The following CTNNA2 variants were observed in gnomAD, a reference collection of about 807,000 sequenced individuals.
CTNNA2 encodes catenin alpha 2.
Under a neutral mutation model 101.0 loss-of-function variants are expected in CTNNA2, and 42 were observed. The ratio of observed to expected loss-of-function variants is 0.42; its 90% CI spans 0.32 to 0.54. CTNNA2 has a LOEUF of 0.54. Among genes scored for constraint, CTNNA2 ranks in the 20% least tolerant of loss-of-function variants. The pLI is 0.14. For synonymous variants in CTNNA2, 450 were observed against 456.4 expected (o/e 0.99, Z 0.18); for missense variants, 871 against 1,223.1 (o/e 0.71, Z 4.29).
chr2:80,298,451 A>G (rs1470737558), intron 7 of CTNNA2: 2 of 152,330 alleles, frequency 1.3e-5, no homozygotes, highest in Admixed American at 6.5e-5. Flanking sequence ...CATGTGATCC[A>G]TCAATGCCCT....
At chr2:79,746,155 A>G (rs1427479258) in intron 3 of CTNNA2, among the ~76,000 whole-genome samples, 1 of 152,190 alleles carries the variant, frequency 6.6e-6, no homozygotes, top group African/African-American at 2.4e-5. Flanking sequence ...CCTAATGATT[A>G]CTTATGTCGA....
chr2:80,422,896 CTA>C (rs1680656315), intron 9 of CTNNA2, among the ~76,000 whole-genome samples: 1 of 146,738 alleles, frequency 6.8e-6, no homozygotes, highest in African/African-American at 2.7e-5. Flanking sequence ...AATCATATGA[CTA>C]TTTAATTTTT....
At chr2:79,286,976 A>G (rs543962609) in intron 2 of CTNNA2, among the ~76,000 whole-genome samples, 11 of 151,754 alleles carry the variant, frequency 7.2e-5, no homozygotes, top group African/African-American at 2.7e-4. Context: ...TTTTTCTCTA[A>G]ACTTCCCTTC....
chr2:80,005,079 C>A (rs1017222124), intron 7 of CTNNA2, among the ~76,000 whole-genome samples: 3 of 152,100 alleles, frequency 2.0e-5, no homozygotes, highest in African/African-American at 7.2e-5. Context: ...TAGCCAGGTA[C>A]CCTAATTGGG....
intron 1 of CTNNA2, among the ~76,000 whole-genome samples, chr2:79,527,911 C>G (rs749933277): frequency 9.9e-5 from 15 of 152,126 alleles, no homozygotes; most frequent in Non-Finnish European, 1.9e-4. Flanking sequence ...GTTGAAAAAT[C>G]TGATGTCTAT....
At chr2:80,416,545 C>T (rs573058538) in intron 8 of CTNNA2, among the ~76,000 whole-genome samples, 24 of 152,050 alleles carry the variant, frequency 1.6e-4, no homozygotes, top group Non-Finnish European at 2.2e-4. Flanking sequence ...TACCTTTAAA[C>T]GCAATAATAT....
At chr2:80,612,934 A>G (rs777117587) in intron 17 of CTNNA2, 5 of 151,522 alleles carry the variant, frequency 3.3e-5, no homozygotes, top group Non-Finnish European at 7.4e-5. Flanking sequence ...AAATAATTTT[A>G]TCCAGACCTT....
At chr2:80,603,899 C>T in intron 15 of CTNNA2, 175 bp from the exon 16 acceptor site, 1 of 511,932 alleles carries the variant, frequency 2.0e-6, no homozygotes, top group Non-Finnish European at 3.4e-6. Flanking sequence ...AAAATATTTC[C>T]AAAAACGACT....
intron 7 of CTNNA2, among the ~76,000 whole-genome samples, chr2:80,280,389 G>A (rs1674279688): frequency 6.6e-6 from 1 of 151,388 alleles, no homozygotes; most frequent in Admixed American, 6.6e-5. Context: ...CTTAAATTCT[G>A]GAGCCTTAGA....
At chr2:80,330,287 C>T (rs143676002) in intron 7 of CTNNA2, among the ~76,000 whole-genome samples, 28 of 152,270 alleles carry the variant, frequency 1.8e-4, no homozygotes, top group Admixed American at 8.5e-4. Flanking sequence ...ACCTGCTGAG[C>T]GTCAATTACA....
At chr2:79,298,397 A>G (rs1316149016) in intron 2 of CTNNA2, among the ~76,000 whole-genome samples, 8 of 152,136 alleles carry the variant, frequency 5.3e-5, no homozygotes, top group African/African-American at 1.9e-4. Context: ...GTCCACCTCC[A>G]ATGTTCAGGA....
intron 6 of CTNNA2, among the ~76,000 whole-genome samples, chr2:79,902,678 G>A (rs1270872400): frequency 4.0e-5 from 6 of 150,930 alleles, no homozygotes; most frequent in Non-Finnish European, 8.8e-5. Context: ...CCAGGCTGGA[G>A]TGCAGTGGTG....
chr2:80,020,003 C>T lies in CTNNA2; in HGVS notation c.1056+110206C>T, dbSNP rs143087724. 2.3e-3 allele frequency among the ~76,000 whole-genome samples: 349 copies of T among 152,142 alleles called. 1 individual carries two copies. Among genetic ancestry groups the T allele is most frequent in the African/African-American group, 7.9e-3 (328 of 41,488 alleles). On this transcript the variant is annotated intron_variant, in intron 7 of 18. Coordinates refer to ENST00000402739, the MANE Select transcript of CTNNA2 (RefSeq NM_001282597.3). ...AAGTAGATCATTAGGTCATGGGTCA[C>T]GCACTGTTACAAAAGGAAGTTAAAA...
chr2:80,503,786 T>C (rs1488507238), intron 9 of CTNNA2, among the ~76,000 whole-genome samples: 1 of 152,018 alleles, frequency 6.6e-6, no homozygotes, highest in African/African-American at 2.4e-5. Context: ...TCAGGGAAGC[T>C]GGAGAAAGAA....
At chr2:80,154,962 C>G (rs577633575) in intron 7 of CTNNA2, among the ~76,000 whole-genome samples, 16 of 149,886 alleles carry the variant, frequency 1.1e-4, no homozygotes, top group African/African-American at 3.7e-4. Context: ...AGTATATAGC[C>G]AATACATGTT....
chr2:80,357,649 G>C (rs1673971053), intron 7 of CTNNA2, among the ~76,000 whole-genome samples: 1 of 152,048 alleles, frequency 6.6e-6, no homozygotes, highest in Non-Finnish European at 1.5e-5. Flanking sequence ...CTTGAGGCCT[G>C]CATACTAAAG....
intron 7 of CTNNA2, among the ~76,000 whole-genome samples, chr2:80,121,098 G>A (rs1701806966): frequency 6.6e-6 from 1 of 152,132 alleles, no homozygotes; most frequent in Non-Finnish European, 1.5e-5. Context: ...TTTGTCTTAA[G>A]GCTAGACTGC....
chr2:80,234,983 C>A (rs1430114321), intron 7 of CTNNA2, among the ~76,000 whole-genome samples: 1 of 151,952 alleles, frequency 6.6e-6, no homozygotes, highest in Non-Finnish European at 1.5e-5. Context: ...GCTGATTTGG[C>A]CTGCAGGCTA....
chr2:80,056,736 T>G (rs76316409), intron 7 of CTNNA2, among the ~76,000 whole-genome samples: 4,085 of 152,290 alleles, frequency 0.027, 179 homozygotes, highest in African/African-American at 0.094. Flanking sequence ...TATGAAAGTA[T>G]CAAGAGACAG....
Sources: gnomAD v4.1 joint callset for allele counts (sites outside exome capture counted in the v4.1 genomes callset) on GRCh38, gnomAD v4.1.1 for gene constraint, MANE v1.5 for transcripts, NCBI Gene and HGNC (gene_info 2026-07-23, HGNC 2026-07-21) for gene names.